The following ACSF3 variants were observed in gnomAD, a reference collection of about 807,000 sequenced individuals.
The protein encoded by ACSF3 is acyl-CoA synthetase family member 3.
Under a neutral mutation model 53.2 loss-of-function variants are expected in ACSF3, and 78 were observed. The ratio of observed to expected loss-of-function variants is 1.47; its 90% CI spans 1.22 to 1.77. The LOEUF is 1.77. ACSF3 is among the 40% of genes most tolerant of loss of function. ACSF3 has a pLI of 0.00. For missense variants in ACSF3, 937 were observed against 771.1 expected (o/e 1.22, Z -2.55); for synonymous variants, 414 against 333.1 (o/e 1.24, Z -2.65).
At position 89,098,638 on chromosome 16, in the gene ACSF3, C is replaced by T. The variant is rs1974904947; in HGVS notation, c.-146C>T. ...TCCAGCGCCAGGCCTGGTGCCTGCCCCAGGAGGATGAGCATTTGCATTGCC... is the reference window on the plus strand; with the variant it reads ...TCCAGCGCCAGGCCTGGTGCCTGCCTCAGGAGGATGAGCATTTGCATTGCC... On this transcript the variant is annotated 5_prime_UTR_variant, in exon 2 of 11. Coordinates refer to ENST00000614302, the MANE Select transcript of ACSF3 (RefSeq NM_001243279.3). 2 of 453,974 alleles carry T rather than the reference C, an allele frequency of 4.4e-6. No homozygotes were observed. The highest frequency in any genetic ancestry group is 2.0e-5 in the African/African-American group (1 of 50,002). The allele number at this position is 453,974 out of a possible 1,614,324, so 28.1% of individuals were successfully genotyped here.
intron 9 of ACSF3, among the ~76,000 whole-genome samples, chr16:89,145,624 G>T (rs1912780646): frequency 6.6e-6 from 1 of 152,224 alleles, no homozygotes; most frequent in Admixed American, 6.5e-5. Flanking sequence ...AGAGCTCCCA[G>T]GCCTGGCCGG....
rs146746238 is a variant in ACSF3 at position 89,108,021 on chromosome 16, G to A, written c.823-4071G>A. Among the ~76,000 whole-genome samples the A allele has an allele frequency of 6.7e-3, 1,021 of 152,280 alleles. 8 individuals are homozygous for A. Among genetic ancestry groups the A allele is most frequent in the Middle Eastern group, 0.034 (10 of 294 alleles). On this transcript the variant is annotated intron_variant, in intron 4 of 10. Transcript: ENST00000614302. ...AGGCAAAAGGCACTTCTTACATGGC[G>A]GTGGCAAGAGAAAATGAGGAAGAAG...
intron 8 of ACSF3, among the ~76,000 whole-genome samples, chr16:89,137,638 TCA>T (rs1910885667): frequency 6.7e-6 from 1 of 148,788 alleles, no homozygotes; most frequent in Non-Finnish European, 1.5e-5. Flanking sequence ...CACCAGGAGC[TCA>T]CGGGGAAGGA....
intron 7 of ACSF3, among the ~76,000 whole-genome samples, chr16:89,126,309 C>T (rs1908094288): frequency 6.6e-6 from 1 of 152,088 alleles, no homozygotes; most frequent in Admixed American, 6.5e-5. Context: ...TGTCCTTTCG[C>T]CCAGGCTGGA....
chr16:89,125,697 A>AG (rs879569615), intron 7 of ACSF3, among the ~76,000 whole-genome samples: 1,391 of 124,192 alleles, frequency 0.011, 11 homozygotes, highest in African/African-American at 0.015. Flanking sequence ...TCAAAAAAAA[A>AG]AAGAGAGAGA....
chr16:89,140,377 C>T (rs1385976692), intron 8 of ACSF3, among the ~76,000 whole-genome samples: 3 of 152,172 alleles, frequency 2.0e-5, no homozygotes, highest in Admixed American at 6.5e-5. Context: ...TACACACACA[C>T]GGGCACCTGT....
intron 7 of ACSF3, among the ~76,000 whole-genome samples, chr16:89,124,078 CCTAGTGTGCGCATGGGTATCACACACAT>C (rs1907358327): frequency 2.7e-4 from 1 of 3,656 alleles, no homozygotes; most frequent in Non-Finnish European, 1.0e-3. Flanking sequence ...CACACACATG[CCTAGTGTGCGCATGGGTATCACACACAT>C]GCCTAGTGTG....
chr16:89,141,324 C>T, intron 8 of ACSF3: 1 of 1,280,632 alleles, frequency 7.8e-7, no homozygotes, highest in Non-Finnish European at 1.0e-6. Flanking sequence ...AGATGTCGAC[C>T]CTCGGAGCTG....
intron 7 of ACSF3, among the ~76,000 whole-genome samples, chr16:89,124,243 G>A (rs1364499654): frequency 1.3e-5 from 2 of 152,180 alleles, no homozygotes; most frequent in African/African-American, 2.4e-5. Context: ...AAGTCAATAT[G>A]GCTGAGCTCC....
At chr16:89,139,312 C>T (rs1911264265) in intron 8 of ACSF3, among the ~76,000 whole-genome samples, 1 of 152,134 alleles carries the variant, frequency 6.6e-6, no homozygotes, top group Admixed American at 6.5e-5. Context: ...GTCAGGACGT[C>T]GGCTCCCAGC....
chr16:89,098,473 T>A (rs1974880853), intron 1 of ACSF3, 118 bp from the exon 2 acceptor site: 1 of 360,596 alleles, frequency 2.8e-6, no homozygotes, highest in Admixed American at 3.4e-5. Context: ...TATTTGATAA[T>A]GTTGTCTTTA....
Position 89,154,604 on chromosome 16 carries a change from C to T in ACSF3, c.*397C>T, listed in dbSNP as rs780752171. On this transcript the variant is annotated 3_prime_UTR_variant, in exon 11 of 11. Coordinates refer to ENST00000614302, the MANE Select transcript of ACSF3 (RefSeq NM_001243279.3). ...GAGGAAACAAGCCCCTGTCCCACGC[C>T]GTCTGCACGTGCCTGTGCCTCACCC... 2.1e-4 allele frequency: 94 copies of T among 456,202 alleles called. 2 individuals are homozygous for T. Among genetic ancestry groups the T allele is most frequent in the South Asian group, 1.4e-3 (91 of 64,380 alleles). 28.3% of individuals were successfully genotyped at this position (456,202 alleles called of 1,614,324 possible).
rs368196824 is a variant in ACSF3, at chr16:89,140,454, G to A, written c.1367-4813G>A. Among the ~76,000 whole-genome samples the A allele has an allele frequency of 1.6e-3, 245 of 152,328 alleles. 8 individuals are homozygous for A. In the South Asian group the frequency reaches 0.048, roughly 30 times the overall value. ...GGCATCGGCTTGGGCGGGGTCCTTGGGCAGGGCCTTGGGCTTCCCTCGGCA... is the reference window on the plus strand; with the variant it reads ...GGCATCGGCTTGGGCGGGGTCCTTGAGCAGGGCCTTGGGCTTCCCTCGGCA... On this transcript the variant is annotated intron_variant, in intron 8 of 10. Coordinates refer to ENST00000614302, the MANE Select transcript of ACSF3 (RefSeq NM_001243279.3).
chr16:89,101,179 G>T lies in ACSF3; in HGVS notation c.498G>T (p.Pro166=), dbSNP rs748625786. The T allele has an allele frequency of 1.2e-6, 2 of 1,607,448 alleles. No homozygotes were observed. The highest frequency in any genetic ancestry group is 1.7e-6 in the Non-Finnish European group (2 of 1,177,434). Residue 166 remains proline (P), a synonymous_variant, in exon 3 of 11, where the codon CCG becomes CCT. Transcript: ENST00000614302. The stretch of plus-strand genomic sequence containing the variant: ...CGGTGGTCAGGAAGCTGGGGGTCCC[G>T]CTGCTGCCGCTCACACCAGCCATCT... ...LSPVVRKLGV[P]LLPLTPAIYT... is the part of the protein sequence containing the mutation.
At chr16:89,119,799 G>A (rs1906166135) in intron 6 of ACSF3, among the ~76,000 whole-genome samples, 1 of 152,198 alleles carries the variant, frequency 6.6e-6, no homozygotes, top group Non-Finnish European at 1.5e-5. Context: ...ACCGAGCCGG[G>A]CACCGACAGC....
chr16:89,154,264 G>A lies in ACSF3; in HGVS notation c.*57G>A, dbSNP rs560238561. On this transcript the variant is annotated 3_prime_UTR_variant, in exon 11 of 11. Transcript: ENST00000614302. ...GAGCAGCAGACGTCCCCTTCACACC[G>A]AGAACCACGGGGGCCCGTCCAAGAC... 18 of 1,535,786 alleles carry A rather than the reference G, an allele frequency of 1.2e-5. No homozygotes were observed. In the East Asian group the frequency reaches 1.8e-4, roughly 15 times the overall value.
chr16:89,102,208 G>A (rs1360095653), intron 3 of ACSF3: 1 of 340,788 alleles, frequency 2.9e-6, no homozygotes, highest in Non-Finnish European at 5.7e-6. Flanking sequence ...GCAGAGCTCT[G>A]TGTGGGCAGT....
chr16:89,147,559 GGT>G (rs1913329053), intron 10 of ACSF3: 1 of 134,502 alleles, frequency 7.4e-6, no homozygotes, highest in Non-Finnish European at 1.6e-5. Context: ...GCGAGGAGGG[GGT>G]GGGAGGAGCC....
chr16:89,124,386 C>T (rs1907481908), intron 7 of ACSF3, among the ~76,000 whole-genome samples: 1 of 118,350 alleles, frequency 8.4e-6, no homozygotes, highest in Non-Finnish European at 1.8e-5. Flanking sequence ...TGTGTGATAC[C>T]TGTGTGTGCA....
Sources: gnomAD v4.1 joint callset for allele counts (sites outside exome capture counted in the v4.1 genomes callset) on GRCh38, gnomAD v4.1.1 for gene constraint, MANE v1.5 for transcripts, NCBI Gene and HGNC (gene_info 2026-07-23, HGNC 2026-07-21) for gene names.